CELF4: variants seen among roughly 807,000 people sequenced by gnomAD.
CELF4 encodes the protein CUGBP Elav-like family member 4, also known as CUG-BP- and ETR-3-like factor 4.
CELF4 carries 18 observed loss-of-function variants against 59.9 expected under a neutral mutation model. The observed-to-expected ratio is 0.30, with a 90% confidence interval of 0.21 to 0.45. The LOEUF is 0.45. Ranked by LOEUF, CELF4 falls within the 20% of genes least tolerant of loss-of-function variation. CELF4 has a pLI of 1.00. For missense variants in CELF4, 456 were observed against 689.0 expected, an observed-to-expected ratio of 0.66 and a Z score of 3.79; for synonymous variants, 261 against 267.1, an observed-to-expected ratio of 0.98 and a Z score of 0.22.
chr18:37,275,425 G>C (rs922345419), intron 3 of CELF4, among the ~76,000 whole-genome samples, 182 bp from the exon 4 acceptor site: 4 of 151,580 alleles, frequency 2.6e-5, no homozygotes, highest in Non-Finnish European at 5.9e-5. Context: ...CGGAGCGGGA[G>C]GGGCGAGGGA....
chr18:37,559,891 GA>G (rs1244095002), intron 1 of CELF4, among the ~76,000 whole-genome samples: 1 of 152,224 alleles, frequency 6.6e-6, no homozygotes, highest in Non-Finnish European at 1.5e-5. Flanking sequence ...CGAGCTCCCT[GA>G]TAGAACTCAG....
At chr18:37,265,664 C>G (rs2077184315) in intron 9 of CELF4, among the ~76,000 whole-genome samples, 1 of 152,182 alleles carries the variant, frequency 6.6e-6, no homozygotes, top group African/African-American at 2.4e-5. Context: ...CCTCCTCTGC[C>G]TGGCCTGGCT....
At position 37,253,551 on chromosome 18, in the gene CELF4, T is replaced by G. The variant is rs1486465971; in HGVS notation, c.*44+216A>C. The stretch of plus-strand genomic sequence containing the variant: ...GGAGTGGCTCCCTCACTCCTGCCCC[T>G]GGTGGCCCTGCCACAGGGAAATGGC... On this transcript the variant is annotated intron_variant, in intron 12 of 12. Coordinates refer to ENST00000420428, the MANE Select transcript of CELF4 (RefSeq NM_020180.4). This position sits in a 1 kb window ranked among gnomAD's most constrained non-coding sequence, Gnocchi z 4.5. Among the ~76,000 whole-genome samples the G allele has an allele frequency of 6.6e-6, 1 of 152,030 alleles. No homozygotes were observed.
intron 1 of CELF4, among the ~76,000 whole-genome samples, chr18:37,511,484 C>A (rs532576165): frequency 6.6e-6 from 1 of 152,000 alleles, no homozygotes; most frequent in Non-Finnish European, 1.5e-5. Flanking sequence ...ATCCTAGTCT[C>A]GCTCACCCAC....
intron 2 of CELF4, among the ~76,000 whole-genome samples, chr18:37,328,001 A>G (rs655931): frequency 0.68 from 103,013 of 152,064 alleles, 35,144 homozygotes; most frequent in South Asian, 0.75. Flanking sequence ...TCTCTCTCTC[A>G]TGCGTGTGTG....
chr18:37,361,166 C>T (rs1383150683), intron 2 of CELF4, among the ~76,000 whole-genome samples: 1 of 152,202 alleles, frequency 6.6e-6, no homozygotes, highest in Non-Finnish European at 1.5e-5. Flanking sequence ...AGGGTTTCCA[C>T]AAGGGTGTTG....
At chr18:37,259,057 G>C in intron 11 of CELF4, 124 bp downstream of exon 11, 1 of 1,492,212 alleles carries the variant, frequency 6.7e-7, no homozygotes, top group Non-Finnish European at 9.1e-7. Flanking sequence ...GTCGGACACC[G>C]GTAGGTTGGT....
At chr18:37,435,008 G>A (rs1791482) in intron 2 of CELF4, among the ~76,000 whole-genome samples, 1 of 151,998 alleles carries the variant, frequency 6.6e-6, no homozygotes, top group Non-Finnish European at 1.5e-5. Flanking sequence ...TCCACAGGAG[G>A]GGGGGATCCA....
At chr18:37,322,700 G>A (rs1437625066) in intron 2 of CELF4, among the ~76,000 whole-genome samples, 2 of 152,192 alleles carry the variant, frequency 1.3e-5, no homozygotes, top group Admixed American at 6.5e-5. Flanking sequence ...TCTACAGCCC[G>A]GAGGTCTCAG....
At chr18:37,400,797 G>A (rs1387557615) in intron 2 of CELF4, among the ~76,000 whole-genome samples, 1 of 152,204 alleles carries the variant, frequency 6.6e-6, no homozygotes, top group Non-Finnish European at 1.5e-5. Flanking sequence ...TTACTCTTAT[G>A]AGCAGATGAT....
intron 3 of CELF4, among the ~76,000 whole-genome samples, chr18:37,288,088 C>T (rs935020118): frequency 1.3e-5 from 2 of 152,338 alleles, no homozygotes; most frequent in South Asian, 4.1e-4. Context: ...TCTCTTTCAA[C>T]ACAGGTCCCT....
chr18:37,300,529 G>A (rs1487706103), intron 3 of CELF4, among the ~76,000 whole-genome samples: 3 of 152,274 alleles, frequency 2.0e-5, no homozygotes, highest in African/African-American at 7.2e-5. Flanking sequence ...CTGGCCTCCA[G>A]CACTTTCTTA....
intron 2 of CELF4, among the ~76,000 whole-genome samples, chr18:37,479,005 T>G (rs2099858652): frequency 6.6e-6 from 1 of 152,172 alleles, no homozygotes; most frequent in Non-Finnish European, 1.5e-5. Context: ...CCCAGCTCTG[T>G]TATAGCAAAG....
chr18:37,498,271 T>G (rs1376917210), intron 1 of CELF4, among the ~76,000 whole-genome samples: 1 of 152,112 alleles, frequency 6.6e-6, no homozygotes, highest in East Asian at 1.9e-4. Flanking sequence ...TTTCTCACTT[T>G]CTGTTCTTCC....
chr18:37,482,798 G>A (rs1378594410), intron 2 of CELF4, among the ~76,000 whole-genome samples: 1 of 152,142 alleles, frequency 6.6e-6, no homozygotes, highest in Non-Finnish European at 1.5e-5. Flanking sequence ...CAGGATGCGA[G>A]CTCCATAACT....
At chr18:37,325,066 G>T (rs2097257880) in intron 2 of CELF4, among the ~76,000 whole-genome samples, 1 of 152,136 alleles carries the variant, frequency 6.6e-6, no homozygotes, top group African/African-American at 2.4e-5. Context: ...GGGAATTCAG[G>T]CTTCCCCTGC....
intron 1 of CELF4, among the ~76,000 whole-genome samples, chr18:37,495,936 G>A (rs2099924714): frequency 1.3e-5 from 2 of 152,168 alleles, no homozygotes; most frequent in African/African-American, 4.8e-5. Flanking sequence ...CAGCAAGGCA[G>A]TGGACCTATG....
In CELF4 at chr18:37,453,718, G is replaced by A. The variant is rs117077715; in HGVS notation, c.369+31807C>T. On this transcript the variant is annotated intron_variant, in intron 2 of 12. Transcript: ENST00000420428. The stretch of plus-strand genomic sequence containing the variant: ...GGGTGGAATTCAGGCTGAGGGCAGG[G>A]TGCAGATGACCCATCAGGGCCTCAA... 9.3e-3 allele frequency among the ~76,000 whole-genome samples: 1,415 copies of A among 152,302 alleles called. 8 individuals are homozygous for A. Among genetic ancestry groups the A allele is most frequent in the Non-Finnish European group, 0.015 (1,003 of 68,024 alleles).
At chr18:37,562,278 C>T (rs2099986772) in intron 1 of CELF4, among the ~76,000 whole-genome samples, 1 of 152,164 alleles carries the variant, frequency 6.6e-6, no homozygotes, top group Admixed American at 6.5e-5. Flanking sequence ...CCTTAGAACT[C>T]CTTCCTTCTT....
Sources: gnomAD v4.1 joint callset for allele counts (sites outside exome capture counted in the v4.1 genomes callset) on GRCh38, gnomAD v4.1.1 for gene constraint, Gnocchi (gnomAD v3.1) non-coding constraint, MANE v1.5 for transcripts, NCBI Gene and HGNC (gene_info 2026-07-23, HGNC 2026-07-21) for gene names.